The following CLCN6 variants were observed in gnomAD, a reference collection of about 807,000 sequenced individuals.
The protein encoded by CLCN6 is Cl-/H+ antiporter 6, also known as H(+)/Cl(-) exchange transporter 6.
A neutral mutation model predicts 109.8 loss-of-function variants in CLCN6; 70 were observed. The observed-to-expected ratio is 0.64, with a 90% CI of 0.53 to 0.78. CLCN6 has a LOEUF of 0.78. Ranked by LOEUF, CLCN6 falls within the 30% of genes least tolerant of loss-of-function variation. The probability of loss-of-function intolerance (pLI) is 0.00; values close to 1 mark genes in which losing one functional copy is unlikely to be tolerated. For missense variants in CLCN6, 984 were observed against 1,142.3 expected, an observed-to-expected ratio of 0.86 and a Z score of 2.00; for synonymous variants, 444 against 447.8, an observed-to-expected ratio of 0.99 and a Z score of 0.11.
At chr1:11,839,917 T>C (rs894797832) in intron 22 of CLCN6, among the ~76,000 whole-genome samples, 1 of 152,234 alleles carries the variant, frequency 6.6e-6, no homozygotes, top group African/African-American at 2.4e-5. Flanking sequence ...AAGGACATTT[T>C]AGTTCAGATG....
At chr1:11,824,622 A>C in intron 8 of CLCN6, 69 bp downstream of exon 8, 3 of 1,276,670 alleles carry the variant, frequency 2.3e-6, no homozygotes, top group Non-Finnish European at 3.3e-6. Context: ...ACTGGGCCAA[A>C]TCCATTGGGA....
intron 13 of CLCN6, among the ~76,000 whole-genome samples, chr1:11,831,768 C>T (rs1298714950): frequency 6.6e-6 from 1 of 152,122 alleles, no homozygotes; most frequent in African/African-American, 2.4e-5. Context: ...ATTGTAACCT[C>T]AAACTCCTGG....
At chr1:11,823,122 T>C (rs1002997824) in intron 6 of CLCN6, among the ~76,000 whole-genome samples, 2 of 152,152 alleles carry the variant, frequency 1.3e-5, no homozygotes, top group African/African-American at 4.8e-5. Context: ...CATCATGCAA[T>C]ATACCCTCGT....
chr1:11,828,372 C>G, intron 11 of CLCN6, 86 bp from the exon 12 acceptor site: 1 of 1,562,736 alleles, frequency 6.4e-7, no homozygotes, highest in Non-Finnish European at 8.8e-7. Context: ...AGCAGCCCCA[C>G]TCTTGCTTCT....
In CLCN6 at chr1:11,828,601, G is replaced by A. The variant is rs540571733; in HGVS notation, c.1098G>A (p.Val366=). Residue 366 remains valine, a synonymous_variant, in exon 12 of 23, where the codon GTG becomes GTA. Coordinates refer to ENST00000346436, the MANE Select transcript of CLCN6 (RefSeq NM_001286.5). ...KRLAKYRMRN[V]HPKPKLVRVL... is the part of the protein sequence containing the mutation. ...TTGCAAAGTACCGTATGCGAAACGT[G>A]CACCCGAAACCTAAGCTCGTCAGGT... The A allele has an allele frequency of 3.8e-5, 61 of 1,612,120 alleles. No homozygotes were observed. The African/African-American group carries it at 7.7e-4, about 20-fold the overall frequency.
At chr1:11,817,741 A>G (rs1644691680) in intron 4 of CLCN6, among the ~76,000 whole-genome samples, 1 of 152,094 alleles carries the variant, frequency 6.6e-6, no homozygotes, top group Admixed American at 6.5e-5. Context: ...ACTTAATTTG[A>G]CATGATATGC....
intron 20 of CLCN6, 86 bp downstream of exon 20, chr1:11,837,585 C>A: frequency 7.3e-7 from 1 of 1,361,648 alleles, no homozygotes; most frequent in Non-Finnish European, 1.0e-6. Flanking sequence ...GTGAACAGTG[C>A]CATAGGGAAA....
At chr1:11,835,773 C>G (rs530558745) in intron 17 of CLCN6, among the ~76,000 whole-genome samples, 194 bp from the exon 18 acceptor site, 39 of 152,268 alleles carry the variant, frequency 2.6e-4, no homozygotes, top group African/African-American at 9.1e-4. Flanking sequence ...GTACGACATT[C>G]CAGGTGCGGG....
chr1:11,834,018 ATGTCCTAAAAAGGTACTC>A lies in CLCN6; in HGVS notation c.1518_1526+9del. ...GCTGCTTTTGGACGTTTAGTTGCCA[ATGTCCTAAAAAGGTACTC>A]TGTGTGTGTGCGTGTGTGTGCGCAT... On this transcript the variant is annotated splice_donor_variant and splice_donor_5th_base_variant and coding_sequence_variant and intron_variant, in exon 15 of 23. Transcript: ENST00000346436. LOFTEE classifies it high-confidence loss of function. The surrounding 1 kb of genome is among the most constrained non-coding windows in gnomAD (Gnocchi z 4.5). 1 of 1,614,010 alleles carries A rather than the reference ATGTCCTAAAAAGGTACTC, an allele frequency of 6.2e-7. No homozygotes were observed. Among genetic ancestry groups the A allele is most frequent in the Non-Finnish European group, 8.5e-7 (1 of 1,179,976 alleles).
intron 11 of CLCN6, 60 bp downstream of exon 11, chr1:11,828,279 T>TGAAG: frequency 6.6e-7 from 1 of 1,510,180 alleles, no homozygotes; most frequent in Non-Finnish European, 9.2e-7. Flanking sequence ...TCCTCTCAAG[T>TGAAG]GAAGGACCAG....
intron 2 of CLCN6, among the ~76,000 whole-genome samples, chr1:11,812,186 C>G (rs575543088): frequency 2.6e-5 from 4 of 152,218 alleles, no homozygotes; most frequent in African/African-American, 9.6e-5. Context: ...CACAGGACTC[C>G]CTCCTTGAGT....
chr1:11,810,345 T>C (rs1644581935), intron 2 of CLCN6, among the ~76,000 whole-genome samples: 1 of 152,246 alleles, frequency 6.6e-6, no homozygotes, highest in African/African-American at 2.4e-5. Flanking sequence ...AATGTTTTCA[T>C]GCAGGTCACA....
intron 13 of CLCN6, among the ~76,000 whole-genome samples, chr1:11,830,881 C>T (rs1460295404): frequency 1.3e-5 from 2 of 151,402 alleles, no homozygotes; most frequent in African/African-American, 2.4e-5. Flanking sequence ...TTACCCAGGC[C>T]GGAGTGCAGT....
chr1:11,836,833 C>G (rs1644956101), intron 18 of CLCN6, among the ~76,000 whole-genome samples, 166 bp from the exon 19 acceptor site: 1 of 152,330 alleles, frequency 6.6e-6, no homozygotes, highest in Middle Eastern at 3.4e-3. Flanking sequence ...AGGGTTCAGG[C>G]TCATTTGAAC....
chr1:11,806,347 CT>C lies in CLCN6; in HGVS notation c.86del (p.Leu29ArgfsTer51). 6.6e-7 allele frequency: 1 copy of C among 1,515,600 alleles called. No individual in the cohort carries two copies. The highest frequency in any genetic ancestry group is 8.7e-7 in the Non-Finnish European group (1 of 1,143,504). The allele number at this position is 1,515,600 out of a possible 1,614,324, so 93.9% of individuals were successfully genotyped here. Reference sequence around the variant, plus strand: ...GCGTGAGACCCGCACCCCCGAGGAGCTGGTAAGAAGCCGGCGGAGTCGGCCT... The same window carrying C: ...GCGTGAGACCCGCACCCCCGAGGAGCGGTAAGAAGCCGGCGGAGTCGGCCT... ...GERETRTPEE[L>X]TILGETQEEE... On this transcript the variant is annotated frameshift_variant and splice_region_variant, in exon 1 of 23. Transcript: ENST00000346436. LOFTEE classifies it high-confidence loss of function.
chr1:11,830,793 C>CTATATATATCT (rs1557429862), intron 13 of CLCN6, among the ~76,000 whole-genome samples: 1 of 139,158 alleles, frequency 7.2e-6, no homozygotes, highest in African/African-American at 2.9e-5. Context: ...TACACACACA[C>CTATATATATCT]ACACACACAC....
intron 14 of CLCN6, 40 bp from the exon 15 acceptor site, chr1:11,833,837 G>T: frequency 1.3e-6 from 2 of 1,589,240 alleles, no homozygotes; most frequent in South Asian, 1.1e-5. Context: ...GCCTTGGCAG[G>T]CATCCGGTAG....
At chr1:11,817,483 A>G (rs751588960) in intron 4 of CLCN6, among the ~76,000 whole-genome samples, 8 of 152,226 alleles carry the variant, frequency 5.3e-5, no homozygotes, top group Non-Finnish European at 8.8e-5. Flanking sequence ...GGAGGCAGCA[A>G]CTTCACAGGT....
At chr1:11,819,649 G>C in intron 5 of CLCN6, 95 bp downstream of exon 5, 1 of 1,036,022 alleles carries the variant, frequency 9.7e-7, no homozygotes, top group Non-Finnish European at 1.5e-6. Context: ...CATAGTATTA[G>C]AAGGGCCGCT....
Sources: allele counts gnomAD v4.1 joint callset (sites outside exome capture counted in the v4.1 genomes callset), GRCh38; gene constraint gnomAD v4.1.1; non-coding constraint Gnocchi (gnomAD v3.1); transcripts MANE v1.5; gene names NCBI Gene and HGNC (gene_info 2026-07-23, HGNC 2026-07-21).